Variants in ATRN observed in about 807,000 individuals in gnomAD.
ATRN encodes attractin-2.
In ATRN, 54 loss-of-function variants were observed where a neutral mutation model predicts 178.7. That is an observed-to-expected ratio of 0.30 (90% CI 0.24 to 0.38). ATRN has a LOEUF of 0.38. ATRN is among the 10% of genes least tolerant of loss of function. The pLI, the probability that ATRN is intolerant of heterozygous loss-of-function variation, is 1.00. For missense variants in ATRN, 1,443 were observed against 1,815.1 expected (o/e 0.79, Z 3.73); for synonymous variants, 636 against 663.0 (o/e 0.96, Z 0.63).
chr20:3,597,500 C>T (rs2086547537), intron 21 of ATRN, among the ~76,000 whole-genome samples: 1 of 152,186 alleles, frequency 6.6e-6, no homozygotes, highest in African/African-American at 2.4e-5. Flanking sequence ...ACGCTAATGC[C>T]ATGGCTTTTT....
rs1382528258 is a variant in ATRN, at chr20:3,471,245, G to C, written c.138G>C (p.Gly46=). 9.7e-6 allele frequency: 14 copies of C among 1,445,688 alleles called. No individual in the cohort carries two copies. In the South Asian group the frequency reaches 1.8e-4, roughly 19 times the overall value. The allele number at this position is 1,445,688 out of a possible 1,614,324, so 89.6% of individuals were successfully genotyped here. Residue 46 remains glycine, a synonymous_variant, in exon 1 of 29, where the codon GGG becomes GGC. Transcript: ENST00000262919. ...CTGGGAGGCCGGGGCTGGGGGCCGGGCTGCGCCTCCCGCGGCTGCTGTCTC... is the reference window on the plus strand; with the variant it reads ...CTGGGAGGCCGGGGCTGGGGGCCGGCCTGCGCCTCCCGCGGCTGCTGTCTC... ...TRAGRPGLGA[G]LRLPRLLSPP...
intron 23 of ATRN, among the ~76,000 whole-genome samples, chr20:3,602,003 C>G (rs1740142710): frequency 1.3e-5 from 2 of 152,022 alleles, no homozygotes; most frequent in Non-Finnish European, 2.9e-5. Context: ...GGTTTCTGAG[C>G]CAGTTTCCTC....
At chr20:3,478,035 A>G (rs2084554279) in intron 1 of ATRN, among the ~76,000 whole-genome samples, 2 of 152,212 alleles carry the variant, frequency 1.3e-5, no homozygotes, top group Non-Finnish European at 2.9e-5. Flanking sequence ...ACTTAGCAGT[A>G]ATCTTTGGCT....
intron 12 of ATRN, among the ~76,000 whole-genome samples, chr20:3,573,946 C>G (rs1035107974): frequency 6.6e-6 from 1 of 151,960 alleles, no homozygotes; most frequent in Non-Finnish European, 1.5e-5. Context: ...CCATGTTGGC[C>G]AGGCTGGTCT....
chr20:3,567,507 G>A (rs570258476), intron 11 of ATRN, among the ~76,000 whole-genome samples: 74 of 152,282 alleles, frequency 4.9e-4, no homozygotes, highest in African/African-American at 1.7e-3. Flanking sequence ...GATTCCAGTG[G>A]TATGTTTGAA....
chr20:3,646,849 G>C lies in ATRN; in HGVS notation c.*2G>C. ...GCACAGCCTGGGACCTGCATCTGAT[G>C]CTGGGGCCAGGGACTCTCCCACGCA... On this transcript the variant is annotated 3_prime_UTR_variant, in exon 29 of 29. Transcript: ENST00000262919. 6.2e-7 allele frequency: 1 copy of C among 1,613,250 alleles called. No homozygotes were observed.
At position 3,517,763 on chromosome 20, in the gene ATRN, T is replaced by G. The variant is rs1600064803; in HGVS notation, c.411-17490T>G. Among the ~76,000 whole-genome samples, 5 of 151,848 alleles carry G rather than the reference T, an allele frequency of 3.3e-5. No individual in the cohort carries two copies. The South Asian group carries it at 1.0e-3, about 32-fold the overall frequency. On this transcript the variant is annotated intron_variant, in intron 1 of 28. Coordinates refer to ENST00000262919, the MANE Select transcript of ATRN (RefSeq NM_139321.3). ...TCCAGCCTGGGTGATGAAGTGAGAC[T>G]CCGTCTCAAACATAAAAAAAAAAAT...
intron 1 of ATRN, among the ~76,000 whole-genome samples, chr20:3,480,684 T>C (rs1489609477): frequency 6.6e-6 from 1 of 152,152 alleles, no homozygotes; most frequent in Non-Finnish European, 1.5e-5. Flanking sequence ...TTTACCTCGA[T>C]GAAAGGTTCC....
At chr20:3,634,256 G>T (rs1317266239) in intron 25 of ATRN, 55 bp from the exon 26 acceptor site, 1 of 1,561,226 alleles carries the variant, frequency 6.4e-7, no homozygotes, top group East Asian at 2.3e-5. Context: ...GTGGGCAACG[G>T]TGGGAGCTGA....
rs553371186 is a variant in ATRN at position 3,567,778 on chromosome 20, G to A, written c.1871+2346G>A. Among the ~76,000 whole-genome samples, 22 of 152,234 alleles carry A rather than the reference G, an allele frequency of 1.4e-4. No individual in the cohort carries two copies. In the South Asian group the frequency reaches 4.2e-3, roughly 29 times the overall value. On this transcript the variant is annotated intron_variant, in intron 11 of 28. Transcript: ENST00000262919. ...AGAGATGGCTGTGACATACCAAGGC[G>A]GCAGGAGATGCAGCTGTGCCTCTCA...
intron 19 of ATRN, chr20:3,592,586 A>G (rs551716069): frequency 2.9e-6 from 2 of 693,458 alleles, no homozygotes; most frequent in Non-Finnish European, 3.5e-6. Context: ...AAGACTTTTC[A>G]AAGTTCTGAG....
At chr20:3,521,873 C>T (rs1451881084) in intron 1 of ATRN, among the ~76,000 whole-genome samples, 2 of 152,188 alleles carry the variant, frequency 1.3e-5, no homozygotes, top group Non-Finnish European at 2.9e-5. Context: ...GCCTCTATCT[C>T]TGGGCTCAAA....
intron 25 of ATRN, among the ~76,000 whole-genome samples, chr20:3,627,696 A>T (rs1313044319): frequency 1.3e-5 from 2 of 152,234 alleles, no homozygotes; most frequent in Non-Finnish European, 2.9e-5. Context: ...GAACAACTTT[A>T]TGTGAATGAA....
Position 3,632,130 on chromosome 20 carries a change from G to T in ATRN, c.3864-2181G>T, listed in dbSNP as rs1009849703. On this transcript the variant is annotated intron_variant, in intron 25 of 28. Transcript: ENST00000262919. This position sits in a 1 kb window ranked among gnomAD's most constrained non-coding sequence, Gnocchi z 4.2. Reference sequence around the variant, plus strand: ...CCAGGACATCTCCCCTGGGCTGTCCGGTAGATATCTCAGGGTTCTGCATGT... The same window carrying T: ...CCAGGACATCTCCCCTGGGCTGTCCTGTAGATATCTCAGGGTTCTGCATGT... Among the ~76,000 whole-genome samples, 1 of 152,044 alleles carries T rather than the reference G, an allele frequency of 6.6e-6. No homozygotes were observed. The highest frequency in any genetic ancestry group is 1.5e-5 in the Non-Finnish European group (1 of 68,010).
intron 28 of ATRN, among the ~76,000 whole-genome samples, chr20:3,644,563 T>A (rs1243867393): frequency 6.6e-6 from 1 of 152,168 alleles, no homozygotes; most frequent in Non-Finnish European, 1.5e-5. Flanking sequence ...CTGTCGGAGT[T>A]TCTGGTCCCC....
intron 25 of ATRN, among the ~76,000 whole-genome samples, chr20:3,626,130 G>T (rs1322121120): frequency 6.6e-6 from 1 of 151,866 alleles, no homozygotes; most frequent in Non-Finnish European, 1.5e-5. Flanking sequence ...TAATCAGGAG[G>T]CTGAGGCAGG....
rs569034988 is a variant in ATRN, at chr20:3,608,765, G to A, written c.3801+4503G>A. 3.3e-5 allele frequency among the ~76,000 whole-genome samples: 5 copies of A among 152,174 alleles called. No individual in the cohort carries two copies. The East Asian group carries it at 5.8e-4, about 18-fold the overall frequency. The stretch of plus-strand genomic sequence containing the variant: ...GTGGATCACCTGAGGTCAGGAGTTC[G>A]AGACCAGCCTGGCCAACATGGCAAA... On this transcript the variant is annotated intron_variant, in intron 24 of 28. Coordinates refer to ENST00000262919, the MANE Select transcript of ATRN (RefSeq NM_139321.3).
intron 25 of ATRN, 111 bp downstream of exon 25, chr20:3,624,683 G>T: frequency 1.1e-6 from 1 of 939,660 alleles, no homozygotes; most frequent in Non-Finnish European, 1.6e-6. Context: ...TTCCACCACA[G>T]ATTAAATTTA....
At chr20:3,522,998 G>A (rs561068988) in intron 1 of ATRN, among the ~76,000 whole-genome samples, 6 of 152,110 alleles carry the variant, frequency 3.9e-5, no homozygotes, top group Admixed American at 6.5e-5. Flanking sequence ...AAACAAGAAC[G>A]CCTCTTCTTC....
Sources: allele counts gnomAD v4.1 joint callset (sites outside exome capture counted in the v4.1 genomes callset), GRCh38; gene constraint gnomAD v4.1.1; non-coding constraint Gnocchi (gnomAD v3.1); transcripts MANE v1.5; gene names NCBI Gene and HGNC (gene_info 2026-07-23, HGNC 2026-07-21).